Variants in DLEU7 observed in about 807,000 individuals in gnomAD.
DLEU7 encodes deleted in lymphocytic leukemia 7, also known as leukemia-associated protein 7.
DLEU7 carries 17 observed loss-of-function variants against 16.0 expected under a neutral mutation model. The observed-to-expected ratio is 1.06, with a 90% CI of 0.73 to 1.59. The LOEUF is 1.59. Ranked by LOEUF, DLEU7 falls within the 40% of genes most tolerant of loss-of-function variation. The pLI is 0.00. For missense variants in DLEU7, 308 were observed against 314.9 expected (o/e 0.98, Z 0.17); for synonymous variants, 113 against 139.8 (o/e 0.81, Z 1.35).
intron 1 of DLEU7, among the ~76,000 whole-genome samples, chr13:50,738,317 A>G (rs568458607): frequency 6.6e-6 from 1 of 152,228 alleles, no homozygotes; most frequent in Non-Finnish European, 1.5e-5. Context: ...AAACCTCAGC[A>G]GTAACCACTG....
At chr13:50,729,823 C>T (rs968532584) in intron 1 of DLEU7, among the ~76,000 whole-genome samples, 4 of 152,030 alleles carry the variant, frequency 2.6e-5, no homozygotes, top group Admixed American at 6.6e-5. Flanking sequence ...TTGTTGGCCA[C>T]GCATACATCT....
At chr13:50,839,141 C>A (rs753278171) in intron 1 of DLEU7, among the ~76,000 whole-genome samples, 2 of 152,256 alleles carry the variant, frequency 1.3e-5, no homozygotes, top group Non-Finnish European at 2.9e-5. Flanking sequence ...CTCACATACA[C>A]AATTTCAGCA....
At position 50,843,654 on chromosome 13, in the gene DLEU7, G is replaced by A. The variant is rs868180599; in HGVS notation, c.-8C>T. Reference sequence around the variant, plus strand: ...GGGCGCAGGGCTGGCCATCGCCTCCGCTGGCGGCCCGGCGCGCTCCGCGTG... The same window carrying A: ...GGGCGCAGGGCTGGCCATCGCCTCCACTGGCGGCCCGGCGCGCTCCGCGTG... On this transcript the variant is annotated 5_prime_UTR_variant, in exon 1 of 2. Transcript: ENST00000504404. This position sits in a 1 kb window ranked among gnomAD's most constrained non-coding sequence, Gnocchi z 5.7. 20 of 1,502,906 alleles carry A rather than the reference G, an allele frequency of 1.3e-5. No homozygotes were observed. In the Middle Eastern group the frequency reaches 1.2e-3, roughly 88 times the overall value. 93.1% of individuals were successfully genotyped at this position (1,502,906 alleles called of 1,614,324 possible).
chr13:50,777,690 C>T (rs1206840738), intron 1 of DLEU7, among the ~76,000 whole-genome samples: 2 of 152,078 alleles, frequency 1.3e-5, no homozygotes. Context: ...TTGTTCATTC[C>T]CACAATCCAT....
At chr13:50,783,884 A>G (rs1875726656) in intron 1 of DLEU7, among the ~76,000 whole-genome samples, 1 of 152,158 alleles carries the variant, frequency 6.6e-6, no homozygotes, top group African/African-American at 2.4e-5. Context: ...GCCCAAAGGA[A>G]CACATATAGA....
Position 50,725,938 on chromosome 13 carries a change from G to A in DLEU7, c.460-12698C>T, listed in dbSNP as rs34728546. 1.9e-3 allele frequency among the ~76,000 whole-genome samples: 282 copies of A among 152,166 alleles called. 1 individual carries two copies. Among genetic ancestry groups the A allele is most frequent in the Non-Finnish European group, 3.0e-3 (202 of 67,992 alleles). ...GTCTAGACTTAATTAGCTTTTGGTG[G>A]TTTGGATTGGAAATACCTTATTTTT... On this transcript the variant is annotated intron_variant, in intron 1 of 1. Coordinates refer to the DLEU7 transcript ENST00000400393.
intron 1 of DLEU7, among the ~76,000 whole-genome samples, chr13:50,804,833 C>A (rs1255567228): frequency 6.6e-6 from 1 of 151,850 alleles, no homozygotes; most frequent in Non-Finnish European, 1.5e-5. Context: ...GAAGTATTTT[C>A]TTCTATTATG....
At chr13:50,783,703 A>G (rs1052061578) in intron 1 of DLEU7, among the ~76,000 whole-genome samples, 2 of 152,214 alleles carry the variant, frequency 1.3e-5, no homozygotes, top group African/African-American at 2.4e-5. Context: ...AATGTAAAAC[A>G]TAAAGAAAAT....
rs1209927913 is a variant in DLEU7, at chr13:50,795,111, C to T, written c.459+48077G>A. On this transcript the variant is annotated intron_variant, in intron 1 of 1. Coordinates refer to the DLEU7 transcript ENST00000400393. ...AATCCTTGGCTTGTTTTGGGAATTA[C>T]CATGATTAACCAAAAGCTAGAGGTA... 3.3e-5 allele frequency among the ~76,000 whole-genome samples: 5 copies of T among 152,100 alleles called. No homozygotes were observed. In the East Asian group the frequency reaches 9.6e-4, roughly 29 times the overall value.
chr13:50,727,958 GTTTC>G (rs1332126013), intron 1 of DLEU7, among the ~76,000 whole-genome samples: 1 of 152,224 alleles, frequency 6.6e-6, no homozygotes, highest in African/African-American at 2.4e-5. Flanking sequence ...TGAAAATAAA[GTTTC>G]TTTCTTAGTA....
chr13:50,814,736 A>G (rs190964968), intron 1 of DLEU7, among the ~76,000 whole-genome samples: 239 of 139,922 alleles, frequency 1.7e-3, no homozygotes, highest in African/African-American at 5.6e-3. Flanking sequence ...AACAGTTTTC[A>G]TCAGTTTTTA....
intron 1 of DLEU7, among the ~76,000 whole-genome samples, chr13:50,720,407 T>C (rs964908086): frequency 6.6e-6 from 1 of 152,176 alleles, no homozygotes; most frequent in Admixed American, 6.5e-5. Context: ...GGCTGAAACA[T>C]CCTTTAGGTG....
At chr13:50,790,422 C>T (rs990968957) in intron 1 of DLEU7, among the ~76,000 whole-genome samples, 4 of 152,102 alleles carry the variant, frequency 2.6e-5, no homozygotes, top group Admixed American at 1.3e-4. Context: ...TTGAGGTGCC[C>T]TCTCAGGCCC....
chr13:50,833,828 G>T (rs1406100684), intron 1 of DLEU7, among the ~76,000 whole-genome samples: 1 of 152,108 alleles, frequency 6.6e-6, no homozygotes. Context: ...CATGGTACTG[G>T]TACCAAAACA....
chr13:50,817,501 A>C (rs1876768324), intron 1 of DLEU7, among the ~76,000 whole-genome samples: 1 of 152,192 alleles, frequency 6.6e-6, no homozygotes, highest in South Asian at 2.1e-4. Context: ...GAGGACACCC[A>C]GATGATATGG....
intron 1 of DLEU7, among the ~76,000 whole-genome samples, chr13:50,762,189 C>CAAAAAA (rs71085045): frequency 5.4e-4 from 45 of 84,108 alleles, no homozygotes; most frequent in South Asian, 4.4e-3. Flanking sequence ...AGACTCGTCT[C>CAAAAAA]AAAAAAAAAA....
At chr13:50,776,540 T>C (rs1386858083) in intron 1 of DLEU7, among the ~76,000 whole-genome samples, 2 of 152,216 alleles carry the variant, frequency 1.3e-5, no homozygotes, top group Non-Finnish European at 2.9e-5. Flanking sequence ...CATGGCTCCA[T>C]AGGAGGTTTG....
intron 1 of DLEU7, among the ~76,000 whole-genome samples, chr13:50,773,062 TACTGAA>T (rs1875373047): frequency 6.6e-6 from 1 of 152,204 alleles, no homozygotes; most frequent in Non-Finnish European, 1.5e-5. Flanking sequence ...TCGAATCAGA[TACTGAA>T]ACTTGTGCAT....
Position 50,770,114 on chromosome 13 carries a change from T to C in DLEU7, c.460-56874A>G, listed in dbSNP as rs182409615. Among the ~76,000 whole-genome samples, 1,254 of 152,304 alleles carry C rather than the reference T, an allele frequency of 8.2e-3. 51 individuals are homozygous for C. The highest frequency in any genetic ancestry group is 0.066 in the Admixed American group (1,003 of 15,298). ...TAGGAATGCTTGTGATTTTTGCCCA[T>C]TGATTTTGTATCCTGAGACTTTGCT... is the stretch of plus-strand genomic sequence containing the variant. On this transcript the variant is annotated intron_variant, in intron 1 of 1. Transcript: ENST00000400393.
Sources: allele counts gnomAD v4.1 joint callset (sites outside exome capture counted in the v4.1 genomes callset), GRCh38; gene constraint gnomAD v4.1.1; non-coding constraint Gnocchi (gnomAD v3.1); transcripts MANE v1.5; gene names NCBI Gene and HGNC (gene_info 2026-07-23, HGNC 2026-07-21).